Variants in TMEM161A observed in about 807,000 individuals in gnomAD.
TMEM161A encodes the protein adaptive response to oxidative stress protein 29.
A neutral mutation model predicts 57.1 loss-of-function variants in TMEM161A; 46 were observed. That is an observed-to-expected ratio of 0.81 (90% CI 0.64 to 1.03). The LOEUF (loss-of-function observed/expected upper bound fraction) is 1.03, where lower values mean the gene tolerates loss of function less well. Among genes scored for constraint, TMEM161A ranks in the 50% least tolerant of loss-of-function variants. The pLI is 0.00. For missense variants in TMEM161A, 601 were observed against 621.5 expected, an observed-to-expected ratio of 0.97 and a Z score of 0.35; for synonymous variants, 288 against 279.0, an observed-to-expected ratio of 1.03 and a Z score of -0.32.
chr19:19,136,976 C>T (rs1183195220), intron 1 of TMEM161A, among the ~76,000 whole-genome samples: 2 of 150,126 alleles, frequency 1.3e-5, no homozygotes, highest in Non-Finnish European at 3.0e-5. Context: ...CCTCTCTCTC[C>T]GACCTCTCTC....
rs927822025 is a variant in TMEM161A at position 19,119,592 on chromosome 19, C to T, written c.*338G>A. The T allele has an allele frequency of 3.8e-5, 12 of 314,514 alleles. No individual in the cohort carries two copies. Among genetic ancestry groups the T allele is most frequent in the African/African-American group, 2.1e-4 (10 of 47,414 alleles). 19.5% of individuals were successfully genotyped at this position (314,514 alleles called of 1,614,324 possible). A position where few individuals can be genotyped will look rare whatever the true frequency, so the allele number is the denominator to read the frequency against. ...AGACAGCTACCACCCTGCACAAGCCCGAGTCCCAAACCACTCAGACCCTGT... is the reference window on the plus strand; with the variant it reads ...AGACAGCTACCACCCTGCACAAGCCTGAGTCCCAAACCACTCAGACCCTGT... On this transcript the variant is annotated 3_prime_UTR_variant, in exon 12 of 12. Coordinates refer to ENST00000162044, the MANE Select transcript of TMEM161A (RefSeq NM_017814.3).
intron 3 of TMEM161A, 69 bp downstream of exon 3, chr19:19,133,061 G>C: frequency 1.4e-6 from 2 of 1,447,644 alleles, no homozygotes; most frequent in Non-Finnish European, 1.9e-6. Flanking sequence ...AGCCCCCTGA[G>C]CAGGGGTGAG....
chr19:19,129,065 T>TA (rs1599708036), intron 6 of TMEM161A, among the ~76,000 whole-genome samples: 1 of 152,134 alleles, frequency 6.6e-6, no homozygotes. Context: ...GACATGCATG[T>TA]TAAGGCCACA....
At chr19:19,137,069 C>T (rs930281333) in intron 1 of TMEM161A, among the ~76,000 whole-genome samples, 1 of 152,154 alleles carries the variant, frequency 6.6e-6, no homozygotes, top group Non-Finnish European at 1.5e-5. Context: ...CCAGACCTCT[C>T]TGCTGAGCTC....
intron 5 of TMEM161A, among the ~76,000 whole-genome samples, chr19:19,131,179 C>T (rs1257659368): frequency 6.6e-6 from 1 of 152,012 alleles, no homozygotes; most frequent in Non-Finnish European, 1.5e-5. Flanking sequence ...TAAATCATGC[C>T]ACTGCACTCC....
intron 6 of TMEM161A, among the ~76,000 whole-genome samples, chr19:19,124,047 T>G (rs1414140872): frequency 3.3e-5 from 5 of 149,944 alleles, no homozygotes; most frequent in African/African-American, 1.2e-4. Flanking sequence ...AGAGCAAAAC[T>G]CTGTCTCAAA....
At chr19:19,123,985 T>C (rs915889116) in intron 6 of TMEM161A, among the ~76,000 whole-genome samples, 2 of 150,310 alleles carry the variant, frequency 1.3e-5, no homozygotes, top group African/African-American at 4.9e-5. Flanking sequence ...ACCCAGGAGG[T>C]GGAGGTTGCA....
chr19:19,123,948 G>C (rs1199389202), intron 6 of TMEM161A, among the ~76,000 whole-genome samples: 1 of 152,036 alleles, frequency 6.6e-6, no homozygotes, highest in Non-Finnish European at 1.5e-5. Flanking sequence ...CAGCTACTTG[G>C]GAGGCTGAGG....
Position 19,130,314 on chromosome 19 carries a change from G to A in TMEM161A, c.444-7C>T. 3.7e-6 allele frequency: 6 copies of A among 1,612,422 alleles called. No individual in the cohort carries two copies. The highest frequency in any genetic ancestry group is 5.1e-6 in the Non-Finnish European group (6 of 1,180,006). ...CACTGTCAGGAACATCTTGCTGGAG[G>A]CTGGAGCTAAGGAGGCCTCAGGTGC... On this transcript the variant is annotated splice_polypyrimidine_tract_variant and splice_region_variant and intron_variant, in intron 5 of 11. Transcript: ENST00000162044.
At chr19:19,124,009 G>A (rs1027397670) in intron 6 of TMEM161A, among the ~76,000 whole-genome samples, 1 of 151,686 alleles carries the variant, frequency 6.6e-6, no homozygotes, top group Non-Finnish European at 1.5e-5. Context: ...AGCCGAGATT[G>A]CGCCACTGCA....
intron 6 of TMEM161A, among the ~76,000 whole-genome samples, chr19:19,129,470 G>A (rs1005435647): frequency 2.6e-5 from 4 of 152,074 alleles, no homozygotes; most frequent in African/African-American, 9.7e-5. Flanking sequence ...AAGAGGCCAG[G>A]CACGGTGGCT....
Position 19,132,896 on chromosome 19 carries a change from CCCCA to C in TMEM161A, c.189-146_189-143del. 3.9e-6 allele frequency: 3 copies of C among 765,536 alleles called. No individual in the cohort carries two copies. Among genetic ancestry groups the C allele is most frequent in the Non-Finnish European group, 6.2e-6 (3 of 484,306 alleles). The allele number at this position is 765,536 out of a possible 1,614,324, so 47.4% of individuals were successfully genotyped here. Reference sequence around the variant, plus strand: ...TCTGCACACTGGGATATGGGGATCCCCCCACCCACCCACAGGACTGGCTAGAGCA... The same window carrying C: ...TCTGCACACTGGGATATGGGGATCCCCCCACCCACAGGACTGGCTAGAGCA... On this transcript the variant is annotated intron_variant, in intron 3 of 11. Coordinates refer to ENST00000162044, the MANE Select transcript of TMEM161A (RefSeq NM_017814.3). This position sits in a 1 kb window ranked among gnomAD's most constrained non-coding sequence, Gnocchi z 4.3.
Position 19,132,606 on chromosome 19 carries a change from A to T in TMEM161A, c.286+51T>A. ...CCTCCCCACCCCCATGAGGGTGTGG[A>T]GACCTTCAGGGCTGAGGGAGTAGAG... On this transcript the variant is annotated intron_variant, in intron 4 of 11. Coordinates refer to ENST00000162044, the MANE Select transcript of TMEM161A (RefSeq NM_017814.3). The surrounding 1 kb of genome is among the most constrained non-coding windows in gnomAD (Gnocchi z 4.3). 1.3e-6 allele frequency: 2 copies of T among 1,564,930 alleles called. No individual in the cohort carries two copies. The highest frequency in any genetic ancestry group is 1.2e-5 in the South Asian group (1 of 82,564).
At chr19:19,134,718 G>A in intron 2 of TMEM161A, 66 bp downstream of exon 2, 2 of 1,195,300 alleles carry the variant, frequency 1.7e-6, no homozygotes, top group South Asian at 1.3e-5. Flanking sequence ...TTTGTGAGGC[G>A]GGGCGTGGGG....
chr19:19,130,253 C>T lies in TMEM161A; in HGVS notation c.498G>A (p.Glu166=), dbSNP rs2059951698. 6.2e-7 allele frequency: 1 copy of T among 1,613,954 alleles called. No individual in the cohort carries two copies. The highest frequency in any genetic ancestry group is 8.5e-7 in the Non-Finnish European group (1 of 1,180,034). Reference sequence around the variant, plus strand: ...AGGCAAAGGTGAGGCAGACAGAGCGCTCACCCCCCTCCTCGGCGCTGAAGT... The same window carrying T: ...AGGCAAAGGTGAGGCAGACAGAGCGTTCACCCCCCTCCTCGGCGCTGAAGT... ...RLYFSAEEGG[E]RSVCLTFAFL... Residue 166 remains glutamate (E), a synonymous_variant, in exon 6 of 12, where the codon GAG becomes GAA. Coordinates refer to ENST00000162044, the MANE Select transcript of TMEM161A (RefSeq NM_017814.3).
At position 19,119,983 on chromosome 19, in the gene TMEM161A, G is replaced by A; in HGVS notation, c.1387C>T (p.Leu463=). 1 of 1,577,482 alleles carries A rather than the reference G, an allele frequency of 6.3e-7. No homozygotes were observed. Among genetic ancestry groups the A allele is most frequent in the Non-Finnish European group, 8.6e-7 (1 of 1,162,514 alleles). The change falls in exon 12 of 12, where the codon CTG becomes TTG. Residue 463 remains leucine (L), a synonymous_variant. Coordinates refer to ENST00000162044, the MANE Select transcript of TMEM161A (RefSeq NM_017814.3). Reference sequence around the variant, plus strand: ...TAGAGGCCGAAAAGGCTGGCGAGCAGCTGGCAGGCAGCCGTCCACCAGATG... The same window carrying A: ...TAGAGGCCGAAAAGGCTGGCGAGCAACTGGCAGGCAGCCGTCCACCAGATG... ...YLIWWTAACQ[L]LASLFGLYFH...
At position 19,122,544 on chromosome 19, in the gene TMEM161A, C is replaced by G. The variant is rs538301168; in HGVS notation, c.596-725G>C. Among the ~76,000 whole-genome samples, 4 of 152,028 alleles carry G rather than the reference C, an allele frequency of 2.6e-5. No homozygotes were observed. In the East Asian group the frequency reaches 7.8e-4, roughly 30 times the overall value. On this transcript the variant is annotated intron_variant, in intron 6 of 11. Transcript: ENST00000162044. ...TGTAAGTCTCAGCACTTTGGGAGGC[C>G]AAGGCGGGTGGATCGTTTGAGCTCA...
Position 19,119,991 on chromosome 19 carries a change from G to A in TMEM161A, c.1379C>T (p.Ala460Val). ...VLAYLIWWTA[A>V]CQLLASLFGL... ...GAAAAGGCTGGCGAGCAGCTGGCAG[G>A]CAGCCGTCCACCAGATGAGGTAGGC... is the stretch of plus-strand genomic sequence containing the variant. Residue 460 changes from alanine to valine, a missense_variant, in exon 12 of 12, where the codon GCC (alanine) becomes GTC (valine). Coordinates refer to ENST00000162044, the MANE Select transcript of TMEM161A (RefSeq NM_017814.3). 3 of 1,582,534 alleles carry A rather than the reference G, an allele frequency of 1.9e-6. No homozygotes were observed. Among genetic ancestry groups the A allele is most frequent in the South Asian group, 1.2e-5 (1 of 86,828 alleles).
At chr19:19,138,287 C>A (rs911424507) in intron 1 of TMEM161A, 139 bp downstream of exon 1, 5 of 1,257,904 alleles carry the variant, frequency 4.0e-6, no homozygotes, top group Non-Finnish European at 5.6e-6. Context: ...GGACACACGG[C>A]CTTCAGCGTG....
Sources: gnomAD v4.1 joint callset for allele counts (sites outside exome capture counted in the v4.1 genomes callset) on GRCh38, gnomAD v4.1.1 for gene constraint, Gnocchi (gnomAD v3.1) non-coding constraint, MANE v1.5 for transcripts, NCBI Gene and HGNC (gene_info 2026-07-23, HGNC 2026-07-21) for gene names.